PPP6R1: variants seen among roughly 807,000 people sequenced by gnomAD.
The protein encoded by PPP6R1 is protein phosphatase 6 regulatory subunit 1.
In PPP6R1, 39 loss-of-function variants were observed where a neutral mutation model predicts 104.6. The observed-to-expected ratio is 0.37, with a 90% confidence interval of 0.29 to 0.49. The LOEUF (loss-of-function observed/expected upper bound fraction) is 0.49, where lower values mean the gene tolerates loss of function less well. PPP6R1 is among the 20% of genes least tolerant of loss of function. The pLI is 0.98. For missense variants in PPP6R1, 1,181 were observed against 1,155.8 expected, an observed-to-expected ratio of 1.02 and a Z score of -0.32; for synonymous variants, 549 against 479.0, an observed-to-expected ratio of 1.15 and a Z score of -1.91.
In PPP6R1 at chr19:55,241,537, G is replaced by A; in HGVS notation, c.948C>T (p.Ala316=). 1.3e-6 allele frequency: 2 copies of A among 1,580,602 alleles called. No individual in the cohort carries two copies. The highest frequency in any genetic ancestry group is 1.7e-6 in the Non-Finnish European group (2 of 1,164,346). ...ALESTVSSVG[A]LHALRPRLSC... is the part of the protein sequence containing the mutation. ...TGAGCCGCGGGCGTAGGGCGTGCAA[G>A]GCGCCCACACTGGACACAGTGCTTT... Residue 316 remains alanine, a synonymous_variant, in exon 8 of 24, where the codon GCC becomes GCT. Coordinates refer to ENST00000412770, the MANE Select transcript of PPP6R1 (RefSeq NM_014931.4). The surrounding 1 kb of genome is among the most constrained non-coding windows in gnomAD (Gnocchi z 5.4).
chr19:55,243,348 G>T (rs891533306), intron 5 of PPP6R1, among the ~76,000 whole-genome samples: 2 of 150,680 alleles, frequency 1.3e-5, no homozygotes, highest in Non-Finnish European at 2.9e-5. Flanking sequence ...GGGAGGTGGA[G>T]GCTGCAGTGA....
intron 15 of PPP6R1, among the ~76,000 whole-genome samples, chr19:55,237,565 AG>A (rs1447224604): frequency 3.9e-5 from 6 of 152,218 alleles, no homozygotes; most frequent in African/African-American, 1.2e-4. Flanking sequence ...GGACAGTTCA[AG>A]GGATCATTTG....
At chr19:55,252,202 A>G (rs1221724541) in intron 1 of PPP6R1, among the ~76,000 whole-genome samples, 1 of 152,174 alleles carries the variant, frequency 6.6e-6, no homozygotes, top group Non-Finnish European at 1.5e-5. Context: ...TTGTGAATAC[A>G]CTAAGAACCA....
At chr19:55,251,866 C>T (rs1219861224) in intron 1 of PPP6R1, among the ~76,000 whole-genome samples, 1 of 152,164 alleles carries the variant, frequency 6.6e-6, no homozygotes, top group East Asian at 1.9e-4. Context: ...GGGCAACCGC[C>T]AAATTTATCA....
At chr19:55,253,383 T>A (rs988523093) in intron 1 of PPP6R1, among the ~76,000 whole-genome samples, 1 of 152,230 alleles carries the variant, frequency 6.6e-6, no homozygotes, top group Non-Finnish European at 1.5e-5. Context: ...GGCACAGGCA[T>A]GGCCCTCGGC....
chr19:55,240,948 T>C lies in PPP6R1; in HGVS notation c.1293A>G (p.Lys431=), dbSNP rs774177861. Residue 431 remains lysine (K), a synonymous_variant, in exon 10 of 24, where the codon AAA becomes AAG. Transcript: ENST00000412770. ...PETPIQNPVV[K]HLLQQCRLVE... ...GGACCAGGGAGTCCCAGCTCACATG[T>C]TTCACAACAGGGTTTTGGATGGGCG... is the stretch of plus-strand genomic sequence containing the variant. The C allele has an allele frequency of 1.2e-4, 194 of 1,605,746 alleles. No homozygotes were observed. Among genetic ancestry groups the C allele is most frequent in the Non-Finnish European group, 1.6e-4 (191 of 1,176,920 alleles).
intron 1 of PPP6R1, among the ~76,000 whole-genome samples, chr19:55,250,644 C>T (rs1600116428): frequency 2.0e-5 from 3 of 152,294 alleles, no homozygotes; most frequent in East Asian, 1.9e-4. Context: ...GGCTGTGGTC[C>T]TCAGGACCCT....
intron 1 of PPP6R1, 50 bp downstream of exon 1, chr19:55,258,385 G>T (rs1201379305): frequency 6.6e-6 from 1 of 152,092 alleles, no homozygotes; most frequent in African/African-American, 2.4e-5. Context: ...AGGGGAAGAC[G>T]TGGGCGCCTG....
Position 55,241,210 on chromosome 19 carries a change from G to A in PPP6R1, c.1161+29C>T. Reference sequence around the variant, plus strand: ...CAGTCCAGTCCCCGCCCCAGCCCCTGAACCCCCAGCCCGGTCCAGTCCCCG... The same window carrying A: ...CAGTCCAGTCCCCGCCCCAGCCCCTAAACCCCCAGCCCGGTCCAGTCCCCG... On this transcript the variant is annotated intron_variant, in intron 9 of 23. Coordinates refer to ENST00000412770, the MANE Select transcript of PPP6R1 (RefSeq NM_014931.4). The surrounding 1 kb of genome is among the most constrained non-coding windows in gnomAD (Gnocchi z 5.4). 8.1e-7 allele frequency: 1 copy of A among 1,239,336 alleles called. No homozygotes were observed. The highest frequency in any genetic ancestry group is 2.9e-5 in the Admixed American group (1 of 34,022). The allele number at this position is 1,239,336 out of a possible 1,614,324, so 76.8% of individuals were successfully genotyped here.
rs760178573 is a variant in PPP6R1, at chr19:55,242,406, T to C, written c.701A>G (p.Glu234Gly). 6.2e-7 allele frequency: 1 copy of C among 1,613,946 alleles called. No homozygotes were observed. The highest frequency in any genetic ancestry group is 2.2e-5 in the East Asian group (1 of 44,880). Residue 234 changes from glutamate (E) to glycine (G), a missense_variant, in exon 6 of 24, where the codon GAG becomes GGG. Physicochemically the swap from Glu to Gly is moderately conservative, Grantham distance 98 (BLOSUM62 -2). Coordinates refer to ENST00000412770, the MANE Select transcript of PPP6R1 (RefSeq NM_014931.4). ...CAGGGTGGCCAGCAGTTGGTCAGGC[T>C]CTGGGCTGTCCTGGACTTGGATCAT... ...EQMIQVQDSP[E>G]PDQLLATLEK...
In PPP6R1 at chr19:55,242,449, G is replaced by A. The variant is rs753320702; in HGVS notation, c.658C>T (p.Arg220Cys). ...NASQSLCDII[R>C]LSREQMIQVQ... ...TGGATCATCTGCTCCCGGCTCAGGC[G>A]GATGATGTCACACAGGGACTGGGAT... is the stretch of plus-strand genomic sequence containing the variant. Residue 220 changes from arginine to cysteine, a missense_variant, in exon 6 of 24, where the codon CGC (arginine) becomes TGC (cysteine). Arg to Cys is a radical substitution (Grantham distance 180). Coordinates refer to ENST00000412770, the MANE Select transcript of PPP6R1 (RefSeq NM_014931.4). 9 of 1,613,986 alleles carry A rather than the reference G, an allele frequency of 5.6e-6. No homozygotes were observed. Among genetic ancestry groups the A allele is most frequent in the Admixed American group, 1.7e-5 (1 of 60,026 alleles).
At position 55,242,357 on chromosome 19, in the gene PPP6R1, G is replaced by T. The variant is rs2087466573; in HGVS notation, c.731+19C>A. 2 of 1,612,200 alleles carry T rather than the reference G, an allele frequency of 1.2e-6. No individual in the cohort carries two copies. On this transcript the variant is annotated intron_variant, in intron 6 of 23. Transcript: ENST00000412770. ...CCCAAGTCAGCTCCCCCCAGCCTTA[G>T]CCTTGCCCGCACACCCACTTCTCCA...
intron 15 of PPP6R1, among the ~76,000 whole-genome samples, chr19:55,238,071 T>C (rs1015773636): frequency 6.6e-6 from 1 of 152,112 alleles, no homozygotes; most frequent in Non-Finnish European, 1.5e-5. Context: ...TCTTTTTTTT[T>C]TTAATTAAAA....
At chr19:55,239,291 G>C in intron 15 of PPP6R1, 114 bp downstream of exon 15, 1 of 1,083,550 alleles carries the variant, frequency 9.2e-7, no homozygotes, top group South Asian at 1.4e-5. Context: ...AGGGGCCACA[G>C]CTGCAGGCTG....
Position 55,231,878 on chromosome 19 carries a change from C to T in PPP6R1, c.2230G>A (p.Gly744Arg), listed in dbSNP as rs1472861504. 1.3e-6 allele frequency: 2 copies of T among 1,505,666 alleles called. No individual in the cohort carries two copies. The highest frequency in any genetic ancestry group is 4.6e-5 in the Admixed American group (2 of 43,310). 93.3% of individuals were successfully genotyped at this position (1,505,666 alleles called of 1,614,324 possible). A position where few individuals can be genotyped will look rare whatever the true frequency, so the allele number is the denominator to read the frequency against. Residue 744 changes from glycine (G) to arginine (R), a missense_variant, in exon 19 of 24, where the codon GGG becomes AGG. Transcript: ENST00000412770. Reference protein sequence around the residue: ...ELHTGPPAPQGPLSVPQGLPT... With the variant: ...ELHTGPPAPQRPLSVPQGLPT... The stretch of plus-strand genomic sequence containing the variant: ...AGGCCCTGGGGCACACTGAGGGGCC[C>T]CTGTGGGGCTGGAGGCCCAGTGTGC...
chr19:55,254,332 G>T (rs1019821948), intron 1 of PPP6R1, among the ~76,000 whole-genome samples: 9 of 152,190 alleles, frequency 5.9e-5, no homozygotes, highest in Non-Finnish European at 1.2e-4. Context: ...CATTAAAAAC[G>T]AAAACTACCT....
chr19:55,248,537 A>G (rs1336581435), intron 1 of PPP6R1, among the ~76,000 whole-genome samples: 1 of 152,224 alleles, frequency 6.6e-6, no homozygotes, highest in Non-Finnish European at 1.5e-5. Context: ...CCTCTCCCGC[A>G]GGCCCTCACC....
Position 55,241,003 on chromosome 19 carries a change from A to C in PPP6R1, c.1238T>G (p.Leu413Trp), listed in dbSNP as rs1269094041. 6.3e-7 allele frequency: 1 copy of C among 1,594,260 alleles called. No homozygotes were observed. ...AGGGCTGCTGTCAGGAGGTGGCCCC[A>C]AGCTCAGCATGGTGCTCACGCATCC... is the stretch of plus-strand genomic sequence containing the variant. ...VEGCVSTMLS[L>W]GPPPDSSPET... The change falls in exon 10 of 24, where the codon TTG becomes TGG. Residue 413 changes from leucine to tryptophan, a missense_variant. By Grantham distance (61) the Leu-to-Trp change is moderately conservative. Coordinates refer to ENST00000412770, the MANE Select transcript of PPP6R1 (RefSeq NM_014931.4). This position sits in a 1 kb window ranked among gnomAD's most constrained non-coding sequence, Gnocchi z 5.4.
rs775803075 is a variant in PPP6R1 at position 55,230,990 on chromosome 19, C to T, written c.2460-106G>A. On this transcript the variant is annotated intron_variant, in intron 21 of 23. Coordinates refer to ENST00000412770, the MANE Select transcript of PPP6R1 (RefSeq NM_014931.4). Reference sequence around the variant, plus strand: ...GTCGGCTCACTGGGTGTGTGTCTGCCACCTGCCCCACGGGGAGGGGCCTCC... The same window carrying T: ...GTCGGCTCACTGGGTGTGTGTCTGCTACCTGCCCCACGGGGAGGGGCCTCC... 5.2e-6 allele frequency: 5 copies of T among 960,084 alleles called. No homozygotes were observed. In the East Asian group the frequency reaches 1.3e-4, roughly 24 times the overall value. 59.5% of individuals were successfully genotyped at this position (960,084 alleles called of 1,614,324 possible).
Sources: allele counts gnomAD v4.1 joint callset (sites outside exome capture counted in the v4.1 genomes callset), GRCh38; gene constraint gnomAD v4.1.1; non-coding constraint Gnocchi (gnomAD v3.1); transcripts MANE v1.5; gene names NCBI Gene and HGNC (gene_info 2026-07-23, HGNC 2026-07-21).